Variants in EEF1AKMT4 observed in about 807,000 individuals in gnomAD.
EEF1AKMT4 encodes the protein EEF1A lysine methyltransferase 4.
EEF1AKMT4 carries 17 observed loss-of-function variants against 23.0 expected under a neutral mutation model. That is an observed-to-expected ratio of 0.74 (90% CI 0.51 to 1.11). The LOEUF is 1.11. Ranked by LOEUF, EEF1AKMT4 falls within the 50% of genes least tolerant of loss-of-function variation. EEF1AKMT4 has a pLI of 0.00. For synonymous variants in EEF1AKMT4, 140 were observed against 141.4 expected, an observed-to-expected ratio of 0.99 and a Z score of 0.07; for missense variants, 318 against 333.4, an observed-to-expected ratio of 0.95 and a Z score of 0.36.
At chr3:184,258,153 C>A in intron 2 of EEF1AKMT4, 135 bp from the exon 3 acceptor site, 1 of 869,494 alleles carries the variant, frequency 1.2e-6, no homozygotes, top group Non-Finnish European at 1.8e-6. Context: ...GTGGCTCACT[C>A]TTTGCCATGG....
chr3:184,254,918 C>T (rs2108449901), intron 1 of EEF1AKMT4, among the ~76,000 whole-genome samples: 1 of 152,320 alleles, frequency 6.6e-6, no homozygotes, highest in Non-Finnish European at 1.5e-5. Context: ...CTCCAAGGCT[C>T]TACTTCCCTC....
chr3:184,257,800 T>C, intron 2 of EEF1AKMT4, 44 bp downstream of exon 2: 1 of 1,571,466 alleles, frequency 6.4e-7, no homozygotes, highest in Non-Finnish European at 8.6e-7. Context: ...TAGGTGGGGC[T>C]GCGGGGTTGA....
chr3:184,249,714 G>A lies in EEF1AKMT4; in HGVS notation c.20G>A (p.Gly7Asp), dbSNP rs113457645. 3.1e-6 allele frequency: 5 copies of A among 1,609,794 alleles called. No individual in the cohort carries two copies. The highest frequency in any genetic ancestry group is 1.3e-5 in the African/African-American group (1 of 74,882). Residue 7 changes from glycine to aspartate, a missense_variant, in exon 1 of 3, where the codon GGT becomes GAT. Transcript: ENST00000324557. MASPGAGRAPPELPERN... is the reference protein window; with the variant it reads MASPGADRAPPELPERN... ...GAGAGCATGGCCTCTCCAGGGGCAG[G>A]TAGGGCGCCTCCGGAGTTACCGGAG...
intron 1 of EEF1AKMT4, among the ~76,000 whole-genome samples, chr3:184,253,531 G>A (rs551235632): frequency 1.4e-4 from 21 of 152,332 alleles, no homozygotes; most frequent in African/African-American, 5.1e-4. Flanking sequence ...GAACACAGTG[G>A]TTTAAGAGCT....
At chr3:184,258,168 C>A (rs1277150442) in intron 2 of EEF1AKMT4, 120 bp from the exon 3 acceptor site, 2 of 955,472 alleles carry the variant, frequency 2.1e-6, no homozygotes, top group East Asian at 4.8e-5. Flanking sequence ...CCATGGAAAG[C>A]CTGAGCTACA....
At position 184,258,312 on chromosome 3, in the gene EEF1AKMT4, G is replaced by A; in HGVS notation, c.505G>A (p.Gly169Ser). ...SEVSRVLVPG[G>S]RFISMTSAAP... ...GGTGAGCCGCGTGCTTGTCCCTGGA[G>A]GCCGGTTTATCTCAATGACTTCTGC... Residue 169 changes from glycine to serine, a missense_variant, in exon 3 of 3, where the codon GGC (glycine) becomes AGC (serine). Coordinates refer to ENST00000324557, the MANE Select transcript of EEF1AKMT4 (RefSeq NM_032331.4). 1 of 1,612,920 alleles carries A rather than the reference G, an allele frequency of 6.2e-7. No homozygotes were observed. The highest frequency in any genetic ancestry group is 8.5e-7 in the Non-Finnish European group (1 of 1,179,300).
At chr3:184,254,185 A>C (rs1402982418) in intron 1 of EEF1AKMT4, among the ~76,000 whole-genome samples, 1 of 152,154 alleles carries the variant, frequency 6.6e-6, no homozygotes, top group Non-Finnish European at 1.5e-5. Flanking sequence ...TCCTCATAGC[A>C]AATGAATGTA....
At chr3:184,253,807 T>C (rs1468975017) in intron 1 of EEF1AKMT4, among the ~76,000 whole-genome samples, 1 of 151,868 alleles carries the variant, frequency 6.6e-6, no homozygotes, top group Non-Finnish European at 1.5e-5. Context: ...GTAGCTGGGA[T>C]TACAGGCGCC....
At chr3:184,253,063 T>C (rs1188834915) in intron 1 of EEF1AKMT4, among the ~76,000 whole-genome samples, 2 of 152,022 alleles carry the variant, frequency 1.3e-5, no homozygotes, top group African/African-American at 2.4e-5. Flanking sequence ...TTGTCTTAGA[T>C]TGAGTTCCCC....
At chr3:184,255,565 T>A (rs554995098) in intron 1 of EEF1AKMT4, among the ~76,000 whole-genome samples, 1 of 152,272 alleles carries the variant, frequency 6.6e-6, no homozygotes, top group East Asian at 1.9e-4. Context: ...GTCACCCAGC[T>A]CCATTGTCAA....
chr3:184,250,098 AAGAC>A (rs1350668912), intron 1 of EEF1AKMT4, among the ~76,000 whole-genome samples: 1 of 152,172 alleles, frequency 6.6e-6, no homozygotes, highest in Non-Finnish European at 1.5e-5. Context: ...CCTCTGGAGA[AAGAC>A]AGTCCCTCAG....
At chr3:184,257,220 A>C (rs1719847839) in intron 1 of EEF1AKMT4, among the ~76,000 whole-genome samples, 1 of 151,730 alleles carries the variant, frequency 6.6e-6, no homozygotes, top group Non-Finnish European at 1.5e-5. Flanking sequence ...AAAAAAAAAA[A>C]AAAAAAAAAA....
In EEF1AKMT4 at chr3:184,257,542, ACTC is replaced by A; in HGVS notation, c.267_269del (p.Tyr89_Ser90delinsTer). 1 of 1,614,070 alleles carries A rather than the reference ACTC, an allele frequency of 6.2e-7. No individual in the cohort carries two copies. Among genetic ancestry groups the A allele is most frequent in the African/African-American group, 1.3e-5 (1 of 75,034 alleles). On this transcript the variant is annotated stop_gained and inframe_deletion, in exon 2 of 3. Coordinates refer to ENST00000324557, the MANE Select transcript of EEF1AKMT4 (RefSeq NM_032331.4). LOFTEE classifies it high-confidence loss of function. The stretch of plus-strand genomic sequence containing the variant: ...TTCCCTAATGTGACCAGTGTGGACT[ACTC>A]ATCAGTCGTGGTGGCTGCCATGCAG...
At position 184,249,727 on chromosome 3, in the gene EEF1AKMT4, G is replaced by A; in HGVS notation, c.33G>A (p.Pro11=). The A allele has an allele frequency of 1.9e-6, 3 of 1,611,980 alleles. No homozygotes were observed. The highest frequency in any genetic ancestry group is 1.7e-4 in the Middle Eastern group (1 of 6,050). Residue 11 remains proline (P), a synonymous_variant, in exon 1 of 3, where the codon CCG becomes CCA. Coordinates refer to ENST00000324557, the MANE Select transcript of EEF1AKMT4 (RefSeq NM_032331.4). MASPGAGRAP[P]ELPERNCGYR... ...CTCCAGGGGCAGGTAGGGCGCCTCC[G>A]GAGTTACCGGAGCGGAACTGCGGGT...
intron 1 of EEF1AKMT4, among the ~76,000 whole-genome samples, chr3:184,251,106 A>AAAG (rs10629680): frequency 0.32 from 44,856 of 142,198 alleles, 7,546 homozygotes; most frequent in African/African-American, 0.44. Flanking sequence ...AAAAAAAAAG[A>AAAG]AAAGAACTTG....
At chr3:184,251,709 A>G (rs902381773) in intron 1 of EEF1AKMT4, among the ~76,000 whole-genome samples, 3 of 152,200 alleles carry the variant, frequency 2.0e-5, no homozygotes, top group Non-Finnish European at 4.4e-5. Context: ...CTCAAAACAA[A>G]GCAAAACAAA....
At chr3:184,250,305 C>A (rs1301485184) in intron 1 of EEF1AKMT4, among the ~76,000 whole-genome samples, 1 of 152,242 alleles carries the variant, frequency 6.6e-6, no homozygotes, top group African/African-American at 2.4e-5. Flanking sequence ...ACATCGGAGG[C>A]GGCACGCGCA....
chr3:184,258,640 C>T lies in EEF1AKMT4; in HGVS notation c.*65C>T, dbSNP rs2108452507. ...CTGGGCTCCTCAGGTAGTTGGAATT[C>T]CTGACTTAGGACTTGGGGTTGGGTC... On this transcript the variant is annotated 3_prime_UTR_variant, in exon 3 of 3. Transcript: ENST00000324557. 6.6e-7 allele frequency: 1 copy of T among 1,513,568 alleles called. No individual in the cohort carries two copies. Among genetic ancestry groups the T allele is most frequent in the East Asian group, 2.3e-5 (1 of 43,836 alleles). The allele number at this position is 1,513,568 out of a possible 1,614,324, so 93.8% of individuals were successfully genotyped here. A position where few individuals can be genotyped will look rare whatever the true frequency, so the allele number is the denominator to read the frequency against.
chr3:184,253,722 T>C (rs915617693), intron 1 of EEF1AKMT4, among the ~76,000 whole-genome samples: 24 of 150,370 alleles, frequency 1.6e-4, no homozygotes, highest in African/African-American at 4.7e-4. Flanking sequence ...CAGGCTGGAG[T>C]GCAGTGGTGC....
Sources: gnomAD v4.1 joint callset for allele counts (sites outside exome capture counted in the v4.1 genomes callset) on GRCh38, gnomAD v4.1.1 for gene constraint, MANE v1.5 for transcripts, NCBI Gene and HGNC (gene_info 2026-07-23, HGNC 2026-07-21) for gene names.